Variants in NDST3 observed in about 807,000 individuals in gnomAD.
NDST3 encodes bifunctional heparan sulfate N-deacetylase/N-sulfotransferase 3.
Under a neutral mutation model 96.1 loss-of-function variants are expected in NDST3, and 58 were observed. The ratio of observed to expected loss-of-function variants is 0.60; its 90% CI spans 0.49 to 0.75. The LOEUF is 0.75. Ranked by LOEUF, NDST3 falls within the 30% of genes least tolerant of loss-of-function variation. The pLI is 0.00. For missense variants in NDST3, 788 were observed against 1,034.2 expected (o/e 0.76, Z 3.27); for synonymous variants, 333 against 359.7 (o/e 0.93, Z 0.84).
rs1031995815 is a variant in NDST3, at chr4:118,221,741, T to C, written c.1540-2750T>C. Among the ~76,000 whole-genome samples the C allele has an allele frequency of 3.9e-4, 59 of 152,066 alleles. 1 individual carries two copies. Among genetic ancestry groups the C allele is most frequent in the African/African-American group, 1.4e-3 (59 of 41,436 alleles). On this transcript the variant is annotated intron_variant, in intron 6 of 13. Coordinates refer to ENST00000296499, the MANE Select transcript of NDST3 (RefSeq NM_004784.3). ...AAATTCACAGATAACCATCTGGCTA[T>C]ACACATCTATATCTCACAGACTAGA...
intron 4 of NDST3, 45 bp from the exon 5 acceptor site, chr4:118,138,009 A>C: frequency 1.4e-6 from 2 of 1,452,418 alleles, no homozygotes; most frequent in Non-Finnish European, 1.8e-6. Context: ...AAATAGGATC[A>C]AGATAAATCT....
intron 2 of NDST3, among the ~76,000 whole-genome samples, chr4:118,089,956 T>G (rs1488614579): frequency 6.6e-6 from 1 of 151,904 alleles, no homozygotes; most frequent in East Asian, 1.9e-4. Flanking sequence ...CAGCCCTGCT[T>G]TTGCTCAAAG....
At chr4:118,058,858 A>T (rs1353401167) in intron 2 of NDST3, among the ~76,000 whole-genome samples, 1 of 152,084 alleles carries the variant, frequency 6.6e-6, no homozygotes, top group Non-Finnish European at 1.5e-5. Flanking sequence ...GAACACTAAT[A>T]ACCCATGTGA....
Position 118,195,954 on chromosome 4 carries a change from C to T in NDST3, c.1540-28537C>T, listed in dbSNP as rs181793182. ...GGGAGAGGGAAGGTTTTCAGGTTTTCCCCATTCAGTATGGTTTTAGCTATG... is the reference window on the plus strand; with the variant it reads ...GGGAGAGGGAAGGTTTTCAGGTTTTTCCCATTCAGTATGGTTTTAGCTATG... On this transcript the variant is annotated intron_variant, in intron 6 of 13. Coordinates refer to ENST00000296499, the MANE Select transcript of NDST3 (RefSeq NM_004784.3). Among the ~76,000 whole-genome samples the T allele has an allele frequency of 4.9e-4, 75 of 152,272 alleles. 1 individual carries two copies. The East Asian group carries it at 0.014, about 28-fold the overall frequency.
rs1267174531 is a variant in NDST3 at position 118,113,365 on chromosome 4, G to A, written c.1070-1441G>A. On this transcript the variant is annotated intron_variant, in intron 3 of 13. Coordinates refer to ENST00000296499, the MANE Select transcript of NDST3 (RefSeq NM_004784.3). ...ATATGTAATCTTTGTACGTAGTGGA[G>A]AGGAAGTTCCTTCATATCAGTAGAG... Among the ~76,000 whole-genome samples the A allele has an allele frequency of 2.0e-5, 3 of 152,344 alleles. No homozygotes were observed. In the East Asian group the frequency reaches 5.8e-4, roughly 29 times the overall value.
chr4:118,065,019 C>T (rs143453398), intron 2 of NDST3, among the ~76,000 whole-genome samples: 1 of 152,244 alleles, frequency 6.6e-6, no homozygotes, highest in Non-Finnish European at 1.5e-5. Flanking sequence ...ATCCGTATGG[C>T]CCACCTGGAT....
chr4:118,133,584 C>G (rs1293259030), intron 4 of NDST3, among the ~76,000 whole-genome samples: 1 of 152,156 alleles, frequency 6.6e-6, no homozygotes. Context: ...TTTCTGTATG[C>G]AGATAGTTGT....
intron 2 of NDST3, among the ~76,000 whole-genome samples, chr4:118,101,296 T>G (rs565179783): frequency 6.6e-6 from 1 of 152,130 alleles, no homozygotes; most frequent in Non-Finnish European, 1.5e-5. Context: ...ATTCTTTAAA[T>G]TAGTTCTTTT....
intron 6 of NDST3, among the ~76,000 whole-genome samples, chr4:118,146,210 G>C (rs549781130): frequency 6.6e-6 from 1 of 152,284 alleles, no homozygotes; most frequent in African/African-American, 2.4e-5. Flanking sequence ...TTAGCTGCAG[G>C]AAAGTCATGA....
chr4:118,251,255 T>C (rs908998533), intron 12 of NDST3, among the ~76,000 whole-genome samples: 1 of 150,696 alleles, frequency 6.6e-6, no homozygotes, highest in African/African-American at 2.4e-5. Context: ...GCCTCCCAAG[T>C]AGCTGGGACT....
chr4:118,114,724 A>G, intron 3 of NDST3, 82 bp from the exon 4 acceptor site: 1 of 1,433,824 alleles, frequency 7.0e-7, no homozygotes, highest in Non-Finnish European at 9.6e-7. Flanking sequence ...CATATACGAG[A>G]AAAGATTAAA....
At chr4:118,227,333 A>G (rs1462047169) in intron 8 of NDST3, among the ~76,000 whole-genome samples, 1 of 152,154 alleles carries the variant, frequency 6.6e-6, no homozygotes, top group Admixed American at 6.5e-5. Context: ...CAAGAGGGAC[A>G]CAGATAAGTA....
At chr4:118,086,314 T>C (rs1728413591) in intron 2 of NDST3, among the ~76,000 whole-genome samples, 2 of 152,200 alleles carry the variant, frequency 1.3e-5, no homozygotes, top group Non-Finnish European at 2.9e-5. Flanking sequence ...AGACTAAAAC[T>C]CTAGCAATGT....
intron 1 of NDST3, among the ~76,000 whole-genome samples, chr4:118,043,324 A>C (rs769484017): frequency 1.3e-5 from 2 of 152,266 alleles, no homozygotes; most frequent in South Asian, 4.1e-4. Context: ...ATTGTATTCC[A>C]TTAATTCCAC....
intron 6 of NDST3, among the ~76,000 whole-genome samples, chr4:118,202,088 A>C (rs1406852807): frequency 6.6e-6 from 1 of 152,086 alleles, no homozygotes; most frequent in Non-Finnish European, 1.5e-5. Context: ...TGAAGATCAG[A>C]TTGTGGTAGG....
intron 6 of NDST3, among the ~76,000 whole-genome samples, chr4:118,173,585 G>A (rs76559982): frequency 0.013 from 1,914 of 152,040 alleles, 24 homozygotes; most frequent in Non-Finnish European, 0.02. Context: ...AAGCAGCCCA[G>A]GAACTCAAAA....
chr4:118,157,427 TG>T (rs1331994312), intron 6 of NDST3, among the ~76,000 whole-genome samples: 16 of 92,326 alleles, frequency 1.7e-4, no homozygotes, highest in Admixed American at 5.6e-4. Context: ...GTTTTGTTTT[TG>T]TTTTTTTTTT....
chr4:118,145,968 C>T (rs1365591765), intron 6 of NDST3, among the ~76,000 whole-genome samples: 1 of 152,166 alleles, frequency 6.6e-6, no homozygotes, highest in Non-Finnish European at 1.5e-5. Context: ...CCACATCTAG[C>T]CGGAGGCCGG....
chr4:118,075,915 T>A (rs1727489318), intron 2 of NDST3, among the ~76,000 whole-genome samples: 1 of 152,194 alleles, frequency 6.6e-6, no homozygotes, highest in African/African-American at 2.4e-5. Context: ...TAGATCCCAT[T>A]TGTCTATTTT....
Sources: allele counts gnomAD v4.1 joint callset (sites outside exome capture counted in the v4.1 genomes callset), GRCh38; gene constraint gnomAD v4.1.1; transcripts MANE v1.5; gene names NCBI Gene and HGNC (gene_info 2026-07-23, HGNC 2026-07-21).